The following IL1RAPL2 variants were observed in gnomAD, a reference collection of about 807,000 sequenced individuals.
The protein encoded by IL1RAPL2 is X-linked interleukin-1 receptor accessory protein-like 2.
In IL1RAPL2, 3 loss-of-function variants were observed where a neutral mutation model predicts 44.1. That is an observed-to-expected ratio of 0.07 (90% CI 0.03 to 0.18). IL1RAPL2 has a LOEUF of 0.18. Ranked by LOEUF, IL1RAPL2 falls within the 10% of genes least tolerant of loss-of-function variation. The pLI, the probability that IL1RAPL2 is intolerant of heterozygous loss-of-function variation, is 1.00. For missense variants in IL1RAPL2, 391 were observed against 496.4 expected (o/e 0.79, Z 2.02); for synonymous variants, 181 against 178.8 (o/e 1.01, Z -0.10).
At chrX:104,842,768 C>A (rs901423342) in intron 2 of IL1RAPL2, among the ~76,000 whole-genome samples, 2 of 112,531 alleles carry the variant, frequency 1.8e-5, no homozygotes, top group African/African-American at 6.5e-5. Flanking sequence ...CTGGAAGCTC[C>A]CTCCCAGAGG....
At chrX:105,704,189 C>A (rs901506289) in intron 6 of IL1RAPL2, among the ~76,000 whole-genome samples, 4 of 111,928 alleles carry the variant, frequency 3.6e-5, no homozygotes, top group Non-Finnish European at 7.5e-5. Context: ...GTCTTATATA[C>A]AACAACAGGC....
chrX:105,496,086 G>A (rs2036355084), intron 6 of IL1RAPL2, among the ~76,000 whole-genome samples: 1 of 111,972 alleles, frequency 8.9e-6, no homozygotes, highest in Non-Finnish European at 1.9e-5. Context: ...GCCCCTTATT[G>A]CGACCCACAC....
chrX:104,622,927 C>G (rs980777527), intron 1 of IL1RAPL2, among the ~76,000 whole-genome samples: 1 of 111,488 alleles, frequency 9.0e-6, no homozygotes, highest in Non-Finnish European at 1.9e-5. Context: ...TAAGGAAGAG[C>G]CTGGAATTCT....
At chrX:105,426,565 A>T (rs745761321) in intron 5 of IL1RAPL2, among the ~76,000 whole-genome samples, 1 of 110,522 alleles carries the variant, frequency 9.0e-6, no homozygotes, top group South Asian at 3.8e-4. Context: ...TCAAGGGATT[A>T]TTTTTTGTAA....
chrX:104,636,601 T>C (rs943366026), intron 1 of IL1RAPL2, among the ~76,000 whole-genome samples: 6 of 112,003 alleles, frequency 5.4e-5, no homozygotes, highest in African/African-American at 1.9e-4. Flanking sequence ...ACTGGTGTTC[T>C]AGCAGTGAGT....
chrX:105,345,789 C>T (rs1351639678), intron 5 of IL1RAPL2, among the ~76,000 whole-genome samples: 1 of 111,627 alleles, frequency 9.0e-6, no homozygotes, highest in Non-Finnish European at 1.9e-5. Context: ...TTTGCCTACA[C>T]TTCTAAGTCT....
At chrX:104,905,176 G>T (rs1259058909) in intron 2 of IL1RAPL2, among the ~76,000 whole-genome samples, 231 of 111,186 alleles carry the variant, frequency 2.1e-3, no homozygotes, top group African/African-American at 4.7e-3. Flanking sequence ...TAAATTTGTT[G>T]GAGTTCATTG....
chrX:104,977,498 A>G (rs2187704), intron 2 of IL1RAPL2, among the ~76,000 whole-genome samples: 54,086 of 110,410 alleles, frequency 0.49, 9,815 homozygotes, highest in African/African-American at 0.62. Flanking sequence ...TCCACTGATC[A>G]CTGATTGCCG....
At chrX:104,898,125 T>G (rs1007129190) in intron 2 of IL1RAPL2, among the ~76,000 whole-genome samples, 5 of 112,026 alleles carry the variant, frequency 4.5e-5, no homozygotes, top group African/African-American at 1.6e-4. Flanking sequence ...GAGACCTAAA[T>G]TTTCAATAAG....
At chrX:104,777,139 G>A (rs1452492783) in intron 2 of IL1RAPL2, among the ~76,000 whole-genome samples, 1 of 110,789 alleles carries the variant, frequency 9.0e-6, no homozygotes, top group Admixed American at 9.7e-5. Flanking sequence ...AACCATCACC[G>A]CCATCCATCT....
At chrX:105,536,244 G>GTACT (rs1365090377) in intron 6 of IL1RAPL2, among the ~76,000 whole-genome samples, 1 of 110,169 alleles carries the variant, frequency 9.1e-6, no homozygotes, top group African/African-American at 3.3e-5. Flanking sequence ...ATGGCATTCT[G>GTACT]TACTTATAAT....
intron 2 of IL1RAPL2, among the ~76,000 whole-genome samples, chrX:105,127,696 G>GT (rs2032987712): frequency 9.0e-6 from 1 of 110,517 alleles, no homozygotes; most frequent in Non-Finnish European, 1.9e-5. Flanking sequence ...ATTTCTTCAG[G>GT]TTTTTATACC....
chrX:105,025,973 C>T (rs1389525387), intron 2 of IL1RAPL2, among the ~76,000 whole-genome samples: 1 of 110,707 alleles, frequency 9.0e-6, no homozygotes, highest in Non-Finnish European at 1.9e-5. Flanking sequence ...AATTGATTTT[C>T]CCATGAAGAT....
At chrX:105,006,804 C>G (rs2030950562) in intron 2 of IL1RAPL2, among the ~76,000 whole-genome samples, 1 of 111,313 alleles carries the variant, frequency 9.0e-6, no homozygotes, top group Non-Finnish European at 1.9e-5. Flanking sequence ...CTTGCTATTA[C>G]CATCATCTCT....
At chrX:104,582,816 T>TTC (rs1928421232) in intron 1 of IL1RAPL2, among the ~76,000 whole-genome samples, 2 of 46,918 alleles carry the variant, frequency 4.3e-5, no homozygotes, top group African/African-American at 8.6e-5. Flanking sequence ...TTTCTCTCCT[T>TTC]TCTTTCTCTT....
intron 1 of IL1RAPL2, among the ~76,000 whole-genome samples, chrX:104,608,602 C>T (rs1297335274): frequency 1.9e-5 from 2 of 105,272 alleles, no homozygotes; most frequent in Non-Finnish European, 3.9e-5. Flanking sequence ...ACTTCTTTGT[C>T]TCTTTTGATC....
rs759447671 is a variant in IL1RAPL2, at chrX:104,657,010, T to C, written c.-19-1885T>C. 3.6e-5 allele frequency among the ~76,000 whole-genome samples: 4 copies of C among 111,128 alleles called. No homozygotes were observed. In the South Asian group the frequency reaches 1.5e-3, roughly 42 times the overall value. ...CTAGGATTGCAACCCCTGCTTTTTT[T>C]TTGTTTTCCATTTGCTTGGTAGATC... On this transcript the variant is annotated intron_variant, in intron 1 of 10. Transcript: ENST00000372582.
At chrX:105,266,648 T>A (rs1205428886) in intron 4 of IL1RAPL2, among the ~76,000 whole-genome samples, 4 of 111,582 alleles carry the variant, frequency 3.6e-5, no homozygotes, top group Non-Finnish European at 7.5e-5. Flanking sequence ...ATCAGGAGAG[T>A]AAGATAATTG....
At chrX:105,159,507 A>G (rs1219336224) in intron 2 of IL1RAPL2, among the ~76,000 whole-genome samples, 1 of 112,539 alleles carries the variant, frequency 8.9e-6, no homozygotes, top group Non-Finnish European at 1.9e-5. Context: ...GTTTTTCTGT[A>G]CCAAATCCCC....
Sources: allele counts gnomAD v4.1 joint callset (sites outside exome capture counted in the v4.1 genomes callset), GRCh38; gene constraint gnomAD v4.1.1; transcripts MANE v1.5; gene names NCBI Gene and HGNC (gene_info 2026-07-23, HGNC 2026-07-21).